The following SF3B2 variants were observed in gnomAD, a reference collection of about 807,000 sequenced individuals.
SF3B2 encodes the protein SAP 145.
Under a neutral mutation model 116.3 loss-of-function variants are expected in SF3B2, and 22 were observed. That is an observed-to-expected ratio of 0.19 (90% CI 0.14 to 0.27). The LOEUF is 0.27. Among genes scored for constraint, SF3B2 ranks in the 10% least tolerant of loss-of-function variants. The probability of loss-of-function intolerance (pLI) is 1.00; values close to 1 mark genes in which losing one functional copy is unlikely to be tolerated. For missense variants in SF3B2, 767 were observed against 1,151.4 expected (o/e 0.67, Z 4.83); for synonymous variants, 406 against 421.6 (o/e 0.96, Z 0.45).
At chr11:66,057,198 A>G (rs1857013203) in intron 6 of SF3B2, 68 bp from the exon 7 acceptor site, 3 of 1,051,704 alleles carry the variant, frequency 2.9e-6, no homozygotes, top group Admixed American at 3.4e-5. Flanking sequence ...CCTTTCAGCA[A>G]GAGAGGTAAT....
chr11:66,068,974 A>G lies in SF3B2; in HGVS notation c.*229A>G, dbSNP rs1472236987. 3 of 506,988 alleles carry G rather than the reference A, an allele frequency of 5.9e-6. No individual in the cohort carries two copies. The highest frequency in any genetic ancestry group is 1.1e-5 in the Non-Finnish European group (3 of 278,010). The allele number at this position is 506,988 out of a possible 1,614,324, so 31.4% of individuals were successfully genotyped here. A position where few individuals can be genotyped will look rare whatever the true frequency, so the allele number is the denominator to read the frequency against. ...AAAAGGACTAAAATAGTCTCTTTCT[A>G]CAATCACTGGGCTGCCCCAGTAACC... On this transcript the variant is annotated 3_prime_UTR_variant, in exon 22 of 22. Transcript: ENST00000322535.
At chr11:66,056,693 G>T (rs1168539119) in intron 5 of SF3B2, 145 bp from the exon 6 acceptor site, 4 of 634,072 alleles carry the variant, frequency 6.3e-6, no homozygotes, top group South Asian at 3.5e-5. Flanking sequence ...TAGCCTGGAA[G>T]TGTGGGGGTG....
At chr11:66,056,771 G>T (rs770368063) in intron 5 of SF3B2, 67 bp from the exon 6 acceptor site, 55 of 1,187,448 alleles carry the variant, frequency 4.6e-5, no homozygotes, top group Non-Finnish European at 6.9e-5. Context: ...CTGAAAGAAT[G>T]CATTTGCCAG....
Position 66,053,774 on chromosome 11 carries a change from G to T in SF3B2, c.258+670G>T. On this transcript the variant is annotated intron_variant, in intron 3 of 21. Transcript: ENST00000322535. The stretch of plus-strand genomic sequence containing the variant: ...TGCCAGGCTTAATACTTAGGCAGTG[G>T]GTTGATAGGTGCAGCAAACCACCAT... 3 of 153,652 alleles carry T rather than the reference G, an allele frequency of 2.0e-5. No individual in the cohort carries two copies. The South Asian group carries it at 5.5e-4, about 28-fold the overall frequency. The allele number at this position is 153,652 out of a possible 1,614,324, so 9.5% of individuals were successfully genotyped here.
At chr11:66,058,777 G>A in intron 9 of SF3B2, 53 bp from the exon 10 acceptor site, 1 of 1,491,220 alleles carries the variant, frequency 6.7e-7, no homozygotes, top group Non-Finnish European at 9.2e-7. Context: ...GGGTTGGGGT[G>A]CTGGCACAGT....
rs200516150 is a variant in SF3B2 at position 66,061,741 on chromosome 11, A to C, written c.1835A>C (p.Glu612Ala). ...KEKKPGDLSD[E>A]LRISLGMPVG... is the part of the protein sequence containing the mutation. ...AAGAAGCCAGGAGATCTGTCTGATGAGCTAAGGATTTCCTTGGGGATGCCA... is the reference window on the plus strand; with the variant it reads ...AAGAAGCCAGGAGATCTGTCTGATGCGCTAAGGATTTCCTTGGGGATGCCA... Residue 612 changes from glutamate to alanine, a missense_variant, in exon 15 of 22, where the codon GAG (glutamate) becomes GCG (alanine). By Grantham distance (107) the Glu-to-Ala change is moderately radical. Transcript: ENST00000322535. 1 of 1,614,196 alleles carries C rather than the reference A, an allele frequency of 6.2e-7. No homozygotes were observed. The highest frequency in any genetic ancestry group is 8.5e-7 in the Non-Finnish European group (1 of 1,180,018).
intron 3 of SF3B2, chr11:66,053,313 A>G: frequency 1.7e-6 from 1 of 586,138 alleles, no homozygotes; most frequent in South Asian, 2.0e-5. Context: ...TACTGCCATG[A>G]CAGAATTGTG....
intron 16 of SF3B2, among the ~76,000 whole-genome samples, chr11:66,062,733 A>G (rs1218882812): frequency 6.6e-6 from 1 of 152,238 alleles, no homozygotes; most frequent in Non-Finnish European, 1.5e-5. Flanking sequence ...TCATGTTTTC[A>G]ATGTACGTAT....
rs747163054 is a variant in SF3B2 at position 66,067,935 on chromosome 11, G to T, written c.2331-11G>T. 6.2e-7 allele frequency: 1 copy of T among 1,611,558 alleles called. No individual in the cohort carries two copies. The highest frequency in any genetic ancestry group is 2.2e-5 in the East Asian group (1 of 44,866). Reference sequence around the variant, plus strand: ...CTTGCTTTTTGGGCCTGATCCCATTGTCCTTCGCAGAAGTGAGACACCTCA... The same window carrying T: ...CTTGCTTTTTGGGCCTGATCCCATTTTCCTTCGCAGAAGTGAGACACCTCA... On this transcript the variant is annotated splice_polypyrimidine_tract_variant and intron_variant, in intron 19 of 21. Transcript: ENST00000322535.
In SF3B2 at chr11:66,060,590, G is replaced by A. The variant is rs1425390282; in HGVS notation, c.1638G>A (p.Gln546=). 6.2e-7 allele frequency: 1 copy of A among 1,614,182 alleles called. No homozygotes were observed. Among genetic ancestry groups the A allele is most frequent in the Non-Finnish European group, 8.5e-7 (1 of 1,180,020 alleles). Residue 546 remains glutamine (Q), a synonymous_variant, in exon 14 of 22, where the codon CAG becomes CAA. Coordinates refer to ENST00000322535, the MANE Select transcript of SF3B2 (RefSeq NM_006842.3). ...GCTGCCATTCTCCACAGGAAGAACA[G>A]AAGACCATGAAGTCAAAAATGCGAG... is the stretch of plus-strand genomic sequence containing the variant. ...MREALQEKEE[Q]KTMKSKMREK... is the part of the protein sequence containing the mutation.
chr11:66,061,898 A>T lies in SF3B2; in HGVS notation c.1877A>T (p.His626Leu). ...GTTCTCTTTTTCCTGCAGAATGCCCACAAGGTCCCTCCCCCATGGCTGATT... is the reference window on the plus strand; with the variant it reads ...GTTCTCTTTTTCCTGCAGAATGCCCTCAAGGTCCCTCCCCCATGGCTGATT... ...SLGMPVGPNA[H>L]KVPPPWLIAM... Residue 626 changes from histidine to leucine, a missense_variant, in exon 16 of 22, where the codon CAC becomes CTC. His to Leu is a moderately conservative substitution (Grantham distance 99). Transcript: ENST00000322535. The T allele has an allele frequency of 5.6e-6, 9 of 1,612,430 alleles. No homozygotes were observed. Among genetic ancestry groups the T allele is most frequent in the Non-Finnish European group, 6.8e-6 (8 of 1,178,718 alleles).
At chr11:66,066,522 T>C (rs1469977200) in intron 19 of SF3B2, 3 of 152,358 alleles carry the variant, frequency 2.0e-5, no homozygotes, top group Middle Eastern at 3.4e-3. Context: ...TGTATTCCTG[T>C]ACATTTTCTT....
intron 19 of SF3B2, chr11:66,067,306 A>C (rs1857205335): frequency 2.4e-6 from 1 of 422,520 alleles, no homozygotes; most frequent in African/African-American, 2.0e-5. Context: ...TTTTATTCAG[A>C]TAATGATCAG....
intron 3 of SF3B2, 78 bp downstream of exon 3, chr11:66,053,182 A>C: frequency 7.4e-7 from 1 of 1,355,860 alleles, no homozygotes; most frequent in Admixed American, 1.7e-5. Context: ...TTGGGTGTTC[A>C]CGTGCATGTG....
chr11:66,057,753 A>T (rs1045448784), intron 7 of SF3B2, among the ~76,000 whole-genome samples: 2 of 151,946 alleles, frequency 1.3e-5, no homozygotes, highest in African/African-American at 4.8e-5. Context: ...AGGCGGGCGG[A>T]TCACCTGAGG....
rs1212276 is a variant in SF3B2 at position 66,062,476 on chromosome 11, T to A, written c.1977+478T>A. ...ACATAGTGAAACCGCACCTCTACTT[T>A]AAAAAAAAAAAAAAAGAAAAAAGAA... is the stretch of plus-strand genomic sequence containing the variant. On this transcript the variant is annotated intron_variant, in intron 16 of 21. Transcript: ENST00000322535. Among the ~76,000 whole-genome samples the A allele has an allele frequency of 3.0e-3, 410 of 138,228 alleles. 2 individuals are homozygous for A. The highest frequency in any genetic ancestry group is 0.01 in the African/African-American group (388 of 37,634). The allele number at this position is 138,228 out of a possible 152,430, so 90.7% of individuals were successfully genotyped here.
In SF3B2 at chr11:66,063,029, T is replaced by C. The variant is rs573210255; in HGVS notation, c.1998T>C (p.His666=). The C allele has an allele frequency of 1.1e-4, 176 of 1,613,962 alleles. No homozygotes were observed. In the South Asian group the frequency reaches 1.8e-3, roughly 17 times the overall value. ...TGCAGAGCTGTTCCTTTGGGTACCA[T>C]GCTGGTGGCTGGGGCAAACCTCCAG... The part of the protein sequence containing the change: ...PIPESCSFGY[H]AGGWGKPPVD... Residue 666 remains histidine (H), a synonymous_variant, in exon 17 of 22, where the codon CAT becomes CAC. Coordinates refer to ENST00000322535, the MANE Select transcript of SF3B2 (RefSeq NM_006842.3).
intron 6 of SF3B2, 131 bp from the exon 7 acceptor site, chr11:66,057,135 A>G (rs1307706214): frequency 3.5e-6 from 3 of 860,514 alleles, no homozygotes; most frequent in African/African-American, 1.7e-5. Context: ...AAACATTACC[A>G]GCATTCCAAA....
Position 66,068,144 on chromosome 11 carries a change from C to T in SF3B2, c.2431-4C>T, listed in dbSNP as rs1857219649. ...AGATGACCAGGCCCTGATCTCCTTT[C>T]CAGGTTATGAGCCGGAAGGGCCCGG... On this transcript the variant is annotated splice_polypyrimidine_tract_variant and splice_region_variant and intron_variant, in intron 20 of 21. Coordinates refer to ENST00000322535, the MANE Select transcript of SF3B2 (RefSeq NM_006842.3). The T allele has an allele frequency of 1.9e-6, 3 of 1,613,850 alleles. No homozygotes were observed. Among genetic ancestry groups the T allele is most frequent in the Admixed American group, 3.3e-5 (2 of 59,922 alleles).
Sources: allele counts gnomAD v4.1 joint callset (sites outside exome capture counted in the v4.1 genomes callset), GRCh38; gene constraint gnomAD v4.1.1; transcripts MANE v1.5; gene names NCBI Gene and HGNC (gene_info 2026-07-23, HGNC 2026-07-21).